KHSRP: variants seen among roughly 807,000 people sequenced by gnomAD.
KHSRP encodes the protein far upstream element-binding protein 2.
Under a neutral mutation model 94.9 loss-of-function variants are expected in KHSRP, and 13 were observed. The ratio of observed to expected loss-of-function variants is 0.14; its 90% CI spans 0.09 to 0.22. The LOEUF (loss-of-function observed/expected upper bound fraction) is 0.22, where lower values mean the gene tolerates loss of function less well. Ranked by LOEUF, KHSRP falls within the 10% of genes least tolerant of loss-of-function variation. KHSRP has a pLI of 1.00. For missense variants in KHSRP, 710 were observed against 1,010.0 expected (o/e 0.70, Z 4.03); for synonymous variants, 495 against 401.4 (o/e 1.23, Z -2.79).
chr19:6,424,598 G>A lies in KHSRP; in HGVS notation c.104C>T (p.Pro35Leu). ...GCCGCCGCCCCGGTCCCCCGCGCCT[G>A]GCGGGCCCGGCGGAGGGCCTCCCCC... ...GAGGGPPPGP[P>L]GAGDRGGGGP... The change falls in exon 1 of 19, where the codon CCA (proline) becomes CTA (leucine). Residue 35 changes from proline to leucine, a missense_variant. By Grantham distance (98) the Pro-to-Leu change is moderately conservative. Transcript: ENST00000600480. 1 of 962,730 alleles carries A rather than the reference G, an allele frequency of 1.0e-6. No individual in the cohort carries two copies. The highest frequency in any genetic ancestry group is 1.2e-6 in the Non-Finnish European group (1 of 814,520). 59.6% of individuals were successfully genotyped at this position (962,730 alleles called of 1,614,324 possible). A position where few individuals can be genotyped will look rare whatever the true frequency, so the allele number is the denominator to read the frequency against.
Position 6,416,837 on chromosome 19 carries a change from C to A in KHSRP, c.1228G>T (p.Gly410Cys), listed in dbSNP as rs1406592820. 3 of 1,590,204 alleles carry A rather than the reference C, an allele frequency of 1.9e-6. No individual in the cohort carries two copies. The highest frequency in any genetic ancestry group is 8.6e-7 in the Non-Finnish European group (1 of 1,169,248). Residue 410 changes from glycine (G) to cysteine (C), a missense_variant, in exon 13 of 19, where the codon GGC becomes TGC. By Grantham distance (159) the Gly-to-Cys change is radical. Coordinates refer to ENST00000600480, the MANE Select transcript of KHSRP (RefSeq NM_001366299.1). ...CCTTGGCCTCTTCCTCGGCCTCGGC[C>A]CCCCGGGGGCATGCCTGGACCCCCT... The part of the protein sequence containing the change: ...PPGGPGMPPG[G>C]RGRGRGQGNW...
chr19:6,417,139 C>T, intron 11 of KHSRP, 52 bp from the exon 12 acceptor site: 1 of 1,455,016 alleles, frequency 6.9e-7, no homozygotes, highest in South Asian at 1.2e-5. Context: ...AAGAGCCCAC[C>T]CCAGAGCCCT....
chr19:6,413,966 C>G lies in KHSRP; in HGVS notation c.*1058G>C. The G allele has an allele frequency of 1.0e-6, 1 of 992,550 alleles. No individual in the cohort carries two copies. Among genetic ancestry groups the G allele is most frequent in the Non-Finnish European group, 1.4e-6 (1 of 703,372 alleles). 61.5% of individuals were successfully genotyped at this position (992,550 alleles called of 1,614,324 possible). A position where few individuals can be genotyped will look rare whatever the true frequency, so the allele number is the denominator to read the frequency against. ...TGAGGGCCCGGCATGCCCCCAAGTC[C>G]CCCCCACCCTGCTTGCCGCGAGGGC... On this transcript the variant is annotated 3_prime_UTR_variant, in exon 19 of 19. Transcript: ENST00000600480.
At position 6,414,792 on chromosome 19, in the gene KHSRP, GGCCGGGCCGGT is replaced by G; in HGVS notation, c.*221_*231del. 2 of 1,150,108 alleles carry G rather than the reference GGCCGGGCCGGT, an allele frequency of 1.7e-6. No homozygotes were observed. The highest frequency in any genetic ancestry group is 1.6e-5 in the African/African-American group (1 of 62,370). The allele number at this position is 1,150,108 out of a possible 1,614,324, so 71.2% of individuals were successfully genotyped here. ...GCCAGATTGTGAGCGAGGTGGTGGC[GGCCGGGCCGGT>G]GCCCACCGTCCGCGCTGTCTGCCTG... is the stretch of plus-strand genomic sequence containing the variant. On this transcript the variant is annotated 3_prime_UTR_variant, in exon 19 of 19. Coordinates refer to ENST00000600480, the MANE Select transcript of KHSRP (RefSeq NM_001366299.1).
At chr19:6,423,503 C>T (rs1181057345) in intron 1 of KHSRP, among the ~76,000 whole-genome samples, 1 of 152,226 alleles carries the variant, frequency 6.6e-6, no homozygotes, top group Non-Finnish European at 1.5e-5. Flanking sequence ...CTGTCCCCAC[C>T]AACTGACAGC....
chr19:6,419,165 C>G (rs1225648560), intron 7 of KHSRP, 38 bp downstream of exon 7: 3 of 1,542,850 alleles, frequency 1.9e-6, no homozygotes, highest in Admixed American at 2.0e-5. Context: ...CTTCTGCCTG[C>G]CCCCCACATC....
At position 6,417,859 on chromosome 19, in the gene KHSRP, A is replaced by G; in HGVS notation, c.979-18T>C. 1 of 1,611,974 alleles carries G rather than the reference A, an allele frequency of 6.2e-7. No homozygotes were observed. The highest frequency in any genetic ancestry group is 8.5e-7 in the Non-Finnish European group (1 of 1,178,374). ...ACTGGCACCTGGGGAGGGAGGCAGCAGCGTCAGCTCGGCCCGCAGCTCTGC... is the reference window on the plus strand; with the variant it reads ...ACTGGCACCTGGGGAGGGAGGCAGCGGCGTCAGCTCGGCCCGCAGCTCTGC... On this transcript the variant is annotated intron_variant, in intron 10 of 18. Transcript: ENST00000600480.
At chr19:6,421,339 CAA>C in intron 3 of KHSRP, 22 bp from the exon 4 acceptor site, 1 of 1,580,744 alleles carries the variant, frequency 6.3e-7, no homozygotes, top group Non-Finnish European at 8.6e-7. Flanking sequence ...AAACCCAAAG[CAA>C]AGACTGGCTT....
chr19:6,417,294 C>T (rs1156466604), intron 11 of KHSRP, among the ~76,000 whole-genome samples: 2 of 152,234 alleles, frequency 1.3e-5, no homozygotes, highest in Non-Finnish European at 2.9e-5. Context: ...CAGGAGGTGG[C>T]TCAAGCTTCT....
Position 6,420,483 on chromosome 19 carries a change from C to CA in KHSRP, c.426-13dup. The CA allele has an allele frequency of 6.2e-7, 1 of 1,613,776 alleles. No individual in the cohort carries two copies. Among genetic ancestry groups the CA allele is most frequent in the Non-Finnish European group, 8.5e-7 (1 of 1,179,726 alleles). On this transcript the variant is annotated splice_polypyrimidine_tract_variant and intron_variant, in intron 4 of 18. Coordinates refer to ENST00000600480, the MANE Select transcript of KHSRP (RefSeq NM_001366299.1). ...CTGTCATTGAAGTCCTGTAAAGAGACACGCCAAAGGTCAGTCCTCAAGTGG... is the reference window on the plus strand; with the variant it reads ...CTGTCATTGAAGTCCTGTAAAGAGACAACGCCAAAGGTCAGTCCTCAAGTGG...
rs960736764 is a variant in KHSRP at position 6,414,154 on chromosome 19, A to G, written c.*870T>C. The G allele has an allele frequency of 8.3e-7, 1 of 1,209,126 alleles. No individual in the cohort carries two copies. Among genetic ancestry groups the G allele is most frequent in the African/African-American group, 1.5e-5 (1 of 65,142 alleles). The allele number at this position is 1,209,126 out of a possible 1,614,324, so 74.9% of individuals were successfully genotyped here. A position where few individuals can be genotyped will look rare whatever the true frequency, so the allele number is the denominator to read the frequency against. On this transcript the variant is annotated 3_prime_UTR_variant, in exon 19 of 19. Coordinates refer to ENST00000600480, the MANE Select transcript of KHSRP (RefSeq NM_001366299.1). ...AGGGAAGAGATAGGAATTGGTCACT[A>G]CGGGGAGGGAAGGGTGGGAGACTAG...
In KHSRP at chr19:6,413,869, C is replaced by A; in HGVS notation, c.*1155G>T. 1 of 316,194 alleles carries A rather than the reference C, an allele frequency of 3.2e-6. No individual in the cohort carries two copies. The allele number at this position is 316,194 out of a possible 1,614,324, so 19.6% of individuals were successfully genotyped here. The stretch of plus-strand genomic sequence containing the variant: ...AGAGATTTAGATCTCGCTATCTTCT[C>A]TGGCTGGCTCAACATGGAAGGATCC... On this transcript the variant is annotated 3_prime_UTR_variant, in exon 19 of 19. Transcript: ENST00000600480.
In KHSRP at chr19:6,418,316, G is replaced by C. The variant is rs750620273; in HGVS notation, c.879+167C>G. On this transcript the variant is annotated intron_variant, in intron 9 of 18. Coordinates refer to ENST00000600480, the MANE Select transcript of KHSRP (RefSeq NM_001366299.1). The surrounding 1 kb of genome is among the most constrained non-coding windows in gnomAD (Gnocchi z 4.3). Reference sequence around the variant, plus strand: ...CGGTGCCTCACACACACAAAGCTGGGAGTCAGTTCAGGGCCATCCTACGAG... The same window carrying C: ...CGGTGCCTCACACACACAAAGCTGGCAGTCAGTTCAGGGCCATCCTACGAG... Among the ~76,000 whole-genome samples, 1 of 152,162 alleles carries C rather than the reference G, an allele frequency of 6.6e-6. No individual in the cohort carries two copies. The highest frequency in any genetic ancestry group is 1.5e-5 in the Non-Finnish European group (1 of 68,020).
In KHSRP at chr19:6,414,737, G is replaced by A; in HGVS notation, c.*287C>T. ...AAACCAAAAAAGTGATGCAGAGAAGGGGAAAAAATAGACGTTTTCTTCCCA... is the reference window on the plus strand; with the variant it reads ...AAACCAAAAAAGTGATGCAGAGAAGAGGAAAAAATAGACGTTTTCTTCCCA... On this transcript the variant is annotated 3_prime_UTR_variant, in exon 19 of 19. Transcript: ENST00000600480. 1.9e-6 allele frequency: 2 copies of A among 1,061,844 alleles called. No homozygotes were observed. The highest frequency in any genetic ancestry group is 4.1e-5 in the South Asian group (1 of 24,618). 65.8% of individuals were successfully genotyped at this position (1,061,844 alleles called of 1,614,324 possible).
chr19:6,421,043 C>G (rs2092192094), intron 4 of KHSRP: 2 of 565,730 alleles, frequency 3.5e-6, no homozygotes, highest in Non-Finnish European at 6.3e-6. Context: ...GTGCGGAGAC[C>G]ACCCTATCAC....
intron 1 of KHSRP, among the ~76,000 whole-genome samples, chr19:6,423,968 C>G (rs1278838626): frequency 6.6e-6 from 1 of 152,198 alleles, no homozygotes; most frequent in Admixed American, 6.5e-5. Context: ...CTAGACAGGT[C>G]CCCATCCACT....
chr19:6,417,433 G>C (rs574759584), intron 11 of KHSRP, among the ~76,000 whole-genome samples: 35 of 152,244 alleles, frequency 2.3e-4, no homozygotes, highest in Non-Finnish European at 4.8e-4. Context: ...GCCCAGAGCT[G>C]AGGTGGAGTG....
chr19:6,416,577 G>A lies in KHSRP; in HGVS notation c.1401C>T (p.Asn467=), dbSNP rs755063665. 5.6e-6 allele frequency: 9 copies of A among 1,613,726 alleles called. No individual in the cohort carries two copies. The highest frequency in any genetic ancestry group is 4.4e-5 in the South Asian group (4 of 91,078). ...FVEISRQLPP[N]GDPNFKLFII... ...TGAACAACTTGAAGTTGGGGTCCCC[G>A]TTGGGTGGCAGCTGCCGGGAGATCT... The change falls in exon 14 of 19, where the codon AAC becomes AAT. Residue 467 remains asparagine, a synonymous_variant. Coordinates refer to ENST00000600480, the MANE Select transcript of KHSRP (RefSeq NM_001366299.1).
chr19:6,416,360 A>T lies in KHSRP; in HGVS notation c.1536T>A (p.Ala512=). 2 of 1,611,398 alleles carry T rather than the reference A, an allele frequency of 1.2e-6. No homozygotes were observed. Among genetic ancestry groups the T allele is most frequent in the Non-Finnish European group, 1.7e-6 (2 of 1,179,208 alleles). ...VGPGPGGPGP[A]GPMGPFNPGP... ...CAGGATTGAAGGGCCCCATTGGGCC[A>T]GCAGGGCCTGGGCCACCTGGGCCTG... Residue 512 remains alanine (A), a synonymous_variant, in exon 15 of 19, where the codon GCT becomes GCA. Coordinates refer to ENST00000600480, the MANE Select transcript of KHSRP (RefSeq NM_001366299.1).
Sources: gnomAD v4.1 joint callset for allele counts (sites outside exome capture counted in the v4.1 genomes callset) on GRCh38, gnomAD v4.1.1 for gene constraint, Gnocchi (gnomAD v3.1) non-coding constraint, MANE v1.5 for transcripts, NCBI Gene and HGNC (gene_info 2026-07-23, HGNC 2026-07-21) for gene names.